The following RYR2 variants were observed in gnomAD, a reference collection of about 807,000 sequenced individuals.
RYR2 encodes ryanodine receptor 2.
RYR2 carries 227 observed loss-of-function variants against 601.1 expected under a neutral mutation model. The ratio of observed to expected loss-of-function variants is 0.38; its 90% CI spans 0.34 to 0.42. The LOEUF is 0.42. RYR2 is among the 10% of genes least tolerant of loss of function. The probability of loss-of-function intolerance (pLI) is 1.00; values close to 1 mark genes in which losing one functional copy is unlikely to be tolerated. For missense variants in RYR2, 4,646 were observed against 6,156.5 expected (o/e 0.75, Z 8.21); for synonymous variants, 2,223 against 2,175.1 (o/e 1.02, Z -0.61).
chr1:237,363,719 C>T (rs1699973615), intron 4 of RYR2, among the ~76,000 whole-genome samples: 1 of 152,016 alleles, frequency 6.6e-6, no homozygotes, highest in Non-Finnish European at 1.5e-5. Flanking sequence ...CACATACGTA[C>T]ACATTATGTT....
intron 60 of RYR2, among the ~76,000 whole-genome samples, chr1:237,675,662 C>T (rs1685332198): frequency 6.6e-6 from 1 of 152,154 alleles, no homozygotes; most frequent in African/African-American, 2.4e-5. Flanking sequence ...CACCTTTCCT[C>T]TGGGACCATT....
intron 1 of RYR2, among the ~76,000 whole-genome samples, chr1:237,263,703 C>G (rs1448940130): frequency 1.3e-5 from 2 of 152,072 alleles, no homozygotes; most frequent in Admixed American, 6.5e-5. Flanking sequence ...AAATACCACC[C>G]CCTTGCTGGG....
At chr1:237,591,652 A>G in intron 31 of RYR2, 87 bp from the exon 32 acceptor site, 2 of 1,118,550 alleles carry the variant, frequency 1.8e-6, no homozygotes, top group Non-Finnish European at 1.3e-6. Context: ...GCCCAGGTTT[A>G]AGGCAACTCA....
In RYR2 at chr1:237,537,382, A is replaced by G. The variant is rs529068939; in HGVS notation, c.2906+6872A>G. On this transcript the variant is annotated intron_variant, in intron 25 of 104. Coordinates refer to ENST00000366574, the MANE Select transcript of RYR2 (RefSeq NM_001035.3). ...TCTGTCACCCAGGCTGGAGTGCAGT[A>G]GCACAATCTTGGCTCGCTGCAACCT... is the stretch of plus-strand genomic sequence containing the variant. Among the ~76,000 whole-genome samples, 3 of 152,186 alleles carry G rather than the reference A, an allele frequency of 2.0e-5. No homozygotes were observed. The East Asian group carries it at 5.8e-4, about 30-fold the overall frequency.
intron 1 of RYR2, among the ~76,000 whole-genome samples, chr1:237,255,902 G>A (rs1687919786): frequency 6.7e-6 from 1 of 149,178 alleles, no homozygotes; most frequent in Admixed American, 6.7e-5. Context: ...TAATTTCACA[G>A]CTCTACTATT....
intron 36 of RYR2, among the ~76,000 whole-genome samples, chr1:237,613,348 T>C (rs1269524240): frequency 6.6e-6 from 1 of 152,242 alleles, no homozygotes; most frequent in Non-Finnish European, 1.5e-5. Flanking sequence ...TTATTCACCA[T>C]TGTATCATCA....
intron 101 of RYR2, among the ~76,000 whole-genome samples, chr1:237,826,974 C>A (rs1663167481): frequency 6.6e-6 from 1 of 152,160 alleles, no homozygotes; most frequent in Non-Finnish European, 1.5e-5. Flanking sequence ...TACTTCCGGG[C>A]AACTTGGAGT....
chr1:237,640,750 C>T (rs1327315883), intron 46 of RYR2, 147 bp from the exon 47 acceptor site: 9 of 599,960 alleles, frequency 1.5e-5, no homozygotes, highest in African/African-American at 7.4e-5. Context: ...CCCTTAAAAA[C>T]GTCAAGCTCT....
intron 80 of RYR2, among the ~76,000 whole-genome samples, chr1:237,743,959 A>C (rs1481517435): frequency 6.6e-6 from 1 of 152,162 alleles, no homozygotes; most frequent in Non-Finnish European, 1.5e-5. Context: ...TTCTGACCTT[A>C]TCCCTCTTGA....
intron 17 of RYR2, among the ~76,000 whole-genome samples, chr1:237,486,627 A>G (rs983486869): frequency 2.6e-5 from 4 of 152,248 alleles, no homozygotes; most frequent in Non-Finnish European, 4.4e-5. Flanking sequence ...ATTAAGTTGC[A>G]TGAATTGACT....
In RYR2 at chr1:237,441,668, T is replaced by C. The variant is rs139940582; in HGVS notation, c.1170+185T>C. Among the ~76,000 whole-genome samples the C allele has an allele frequency of 2.8e-4, 43 of 152,286 alleles. No individual in the cohort carries two copies. The East Asian group carries it at 8.3e-3, about 29-fold the overall frequency. On this transcript the variant is annotated intron_variant, in intron 13 of 104. Transcript: ENST00000366574. ...AAAGTGAACAGAGTTGGATGTTACA[T>C]CACTCATATATAGGATTATGGGATG... is the stretch of plus-strand genomic sequence containing the variant.
intron 17 of RYR2, among the ~76,000 whole-genome samples, chr1:237,490,548 T>A (rs1663217609): frequency 6.6e-6 from 1 of 152,220 alleles, no homozygotes; most frequent in Non-Finnish European, 1.5e-5. Flanking sequence ...TTTAGTATAC[T>A]TATATAAAGA....
chr1:237,552,946 G>T (rs1313495533), intron 27 of RYR2, among the ~76,000 whole-genome samples: 1 of 151,852 alleles, frequency 6.6e-6, no homozygotes, highest in Admixed American at 6.6e-5. Context: ...TCTAATTTTT[G>T]TTGGCCTTTT....
intron 2 of RYR2, among the ~76,000 whole-genome samples, chr1:237,312,741 T>C (rs924918609): frequency 2.6e-5 from 4 of 152,204 alleles, no homozygotes; most frequent in Non-Finnish European, 5.9e-5. Flanking sequence ...TTATTAGAAA[T>C]ATGAAAGTGA....
At chr1:237,457,303 G>A (rs868157099) in intron 16 of RYR2, among the ~76,000 whole-genome samples, 1 of 152,142 alleles carries the variant, frequency 6.6e-6, no homozygotes, top group South Asian at 2.1e-4. Context: ...AAGTACACCT[G>A]ACATTGATTA....
intron 29 of RYR2, among the ~76,000 whole-genome samples, chr1:237,573,344 G>A (rs1307290455): frequency 6.6e-6 from 1 of 151,576 alleles, no homozygotes; most frequent in East Asian, 2.0e-4. Flanking sequence ...TAGACAACAT[G>A]GCCAAGTATA....
At chr1:237,680,372 C>T in intron 61 of RYR2, 84 bp from the exon 62 acceptor site, 1 of 1,176,288 alleles carries the variant, frequency 8.5e-7, no homozygotes, top group Non-Finnish European at 1.2e-6. Flanking sequence ...GTGAACAGAA[C>T]TCTGACTGCT....
intron 1 of RYR2, among the ~76,000 whole-genome samples, chr1:237,087,156 T>C (rs1455634519): frequency 6.6e-6 from 1 of 152,210 alleles, no homozygotes; most frequent in Non-Finnish European, 1.5e-5. Context: ...TCCAAATTGC[T>C]GAATTTCTTT....
At chr1:237,121,432 G>T (rs1670766090) in intron 1 of RYR2, among the ~76,000 whole-genome samples, 1 of 152,134 alleles carries the variant, frequency 6.6e-6, no homozygotes, top group Non-Finnish European at 1.5e-5. Flanking sequence ...CGAGGAGAAA[G>T]CTGTTTACAG....
Sources: allele counts gnomAD v4.1 joint callset (sites outside exome capture counted in the v4.1 genomes callset), GRCh38; gene constraint gnomAD v4.1.1; transcripts MANE v1.5; gene names NCBI Gene and HGNC (gene_info 2026-07-23, HGNC 2026-07-21).